Variants in ERBB4 observed in about 807,000 individuals in gnomAD.
ERBB4 encodes erb-b2 receptor tyrosine kinase 4.
In ERBB4, 42 loss-of-function variants were observed where a neutral mutation model predicts 158.0. That is an observed-to-expected ratio of 0.27 (90% CI 0.21 to 0.34). The LOEUF (loss-of-function observed/expected upper bound fraction) is 0.34, where lower values mean the gene tolerates loss of function less well. Among genes scored for constraint, ERBB4 ranks in the 10% least tolerant of loss-of-function variants. The probability of loss-of-function intolerance (pLI) is 1.00; values close to 1 mark genes in which losing one functional copy is unlikely to be tolerated. For synonymous variants in ERBB4, 583 were observed against 558.7 expected (o/e 1.04, Z -0.61); for missense variants, 1,333 against 1,624.1 (o/e 0.82, Z 3.08).
intron 3 of ERBB4, among the ~76,000 whole-genome samples, chr2:211,897,442 A>G (rs1164467402): frequency 6.8e-6 from 1 of 146,320 alleles, no homozygotes; most frequent in Non-Finnish European, 1.5e-5. Context: ...ATAATTTGCA[A>G]AAAAAAAAAA....
At chr2:212,154,242 G>A (rs2080962348) in intron 1 of ERBB4, among the ~76,000 whole-genome samples, 1 of 152,118 alleles carries the variant, frequency 6.6e-6, no homozygotes, top group Non-Finnish European at 1.5e-5. Context: ...AGAGAAGGAA[G>A]AAAATGATTC....
At chr2:211,468,154 C>T (rs549618371) in intron 20 of ERBB4, among the ~76,000 whole-genome samples, 6 of 151,928 alleles carry the variant, frequency 3.9e-5, no homozygotes, top group Admixed American at 2.6e-4. Context: ...TTTGGAGATA[C>T]TAAAGAGAAA....
intron 4 of ERBB4, among the ~76,000 whole-genome samples, chr2:211,782,282 G>A (rs140912027): frequency 1.3e-5 from 2 of 152,192 alleles, no homozygotes; most frequent in African/African-American, 2.4e-5. Flanking sequence ...AGCTGGCACT[G>A]TTCTATGGAA....
At chr2:212,236,581 G>T (rs906287542) in intron 1 of ERBB4, among the ~76,000 whole-genome samples, 2 of 152,160 alleles carry the variant, frequency 1.3e-5, no homozygotes, top group Admixed American at 1.3e-4. Context: ...ATTTAGCTCC[G>T]AATCCATCTG....
At chr2:211,748,328 G>GCATACAGTATGCCAGAAGA (rs1267979725) in intron 5 of ERBB4, among the ~76,000 whole-genome samples, 1 of 152,138 alleles carries the variant, frequency 6.6e-6, no homozygotes, top group East Asian at 1.9e-4. Flanking sequence ...GAGACTTCTG[G>GCATACAGTATGCCAGAAGA]TATAGAAAAG....
intron 1 of ERBB4, among the ~76,000 whole-genome samples, chr2:212,200,563 A>G (rs1325237573): frequency 6.6e-6 from 1 of 152,142 alleles, no homozygotes; most frequent in Non-Finnish European, 1.5e-5. Context: ...TAATAATTGT[A>G]AAAAGCTTGG....
intron 1 of ERBB4, among the ~76,000 whole-genome samples, chr2:212,461,755 C>T (rs1688587491): frequency 6.6e-6 from 1 of 152,162 alleles, no homozygotes; most frequent in South Asian, 2.1e-4. Context: ...CAAATCTCAT[C>T]TTGAATTCCC....
At chr2:211,816,268 C>G (rs942481685) in intron 3 of ERBB4, among the ~76,000 whole-genome samples, 1 of 151,982 alleles carries the variant, frequency 6.6e-6, no homozygotes, top group Non-Finnish European at 1.5e-5. Flanking sequence ...TGGCCAGGCA[C>G]GGTGGCTCAT....
chr2:212,389,654 C>T (rs920202249), intron 1 of ERBB4, among the ~76,000 whole-genome samples: 1 of 151,918 alleles, frequency 6.6e-6, no homozygotes, highest in African/African-American at 2.4e-5. Context: ...TTACAAGTCT[C>T]CACGGAATTT....
intron 25 of ERBB4, among the ~76,000 whole-genome samples, chr2:211,411,546 A>C (rs534113354): frequency 6.6e-6 from 1 of 152,230 alleles, no homozygotes; most frequent in Non-Finnish European, 1.5e-5. Context: ...CCACACCTCT[A>C]AAGTCAAACA....
At position 211,381,509 on chromosome 2, in the gene ERBB4, T is replaced by C. The variant is rs1490586895; in HGVS notation, c.*2106A>G. The C allele has an allele frequency of 4.3e-6, 1 of 231,548 alleles. No individual in the cohort carries two copies. Among genetic ancestry groups the C allele is most frequent in the Non-Finnish European group, 8.5e-6 (1 of 117,110 alleles). The allele number at this position is 231,548 out of a possible 1,614,324, so 14.3% of individuals were successfully genotyped here. On this transcript the variant is annotated 3_prime_UTR_variant, in exon 28 of 28. Coordinates refer to ENST00000342788, the MANE Select transcript of ERBB4 (RefSeq NM_005235.3). ...TGACAGCTATTCACAAAAGAGACTA[T>C]GCAATCTGATTGTTGGAACGCATAG...
At chr2:212,281,764 A>T (rs2085767545) in intron 1 of ERBB4, among the ~76,000 whole-genome samples, 1 of 151,824 alleles carries the variant, frequency 6.6e-6, no homozygotes, top group Non-Finnish European at 1.5e-5. Context: ...ACCAAATAGC[A>T]TCTTTCCATC....
At chr2:211,574,158 G>A (rs909854048) in intron 19 of ERBB4, among the ~76,000 whole-genome samples, 8 of 152,128 alleles carry the variant, frequency 5.3e-5, no homozygotes, top group Non-Finnish European at 1.0e-4. Flanking sequence ...GCAGCTGCAG[G>A]GTGAGTGGTC....
At chr2:212,386,815 A>G (rs2106426755) in intron 1 of ERBB4, among the ~76,000 whole-genome samples, 1 of 152,088 alleles carries the variant, frequency 6.6e-6, no homozygotes, top group African/African-American at 2.4e-5. Context: ...CATAATACTA[A>G]CCATATATTT....
At chr2:211,407,341 G>A (rs2063167706) in intron 25 of ERBB4, among the ~76,000 whole-genome samples, 1 of 152,088 alleles carries the variant, frequency 6.6e-6, no homozygotes, top group South Asian at 2.1e-4. Context: ...CTCTAACTAA[G>A]AAGAGACTGT....
At chr2:212,277,982 C>T (rs932116770) in intron 1 of ERBB4, among the ~76,000 whole-genome samples, 7 of 151,594 alleles carry the variant, frequency 4.6e-5, no homozygotes, top group Admixed American at 1.3e-4. Context: ...TTCTTCACTC[C>T]GGACTTCACT....
intron 19 of ERBB4, among the ~76,000 whole-genome samples, chr2:211,570,001 C>G (rs968696270): frequency 6.6e-5 from 10 of 152,098 alleles, no homozygotes; most frequent in Non-Finnish European, 1.2e-4. Flanking sequence ...TGCTCTTTGG[C>G]TGAAGGTAAA....
chr2:211,723,893 G>A (rs551894698), intron 6 of ERBB4, among the ~76,000 whole-genome samples: 1 of 152,266 alleles, frequency 6.6e-6, no homozygotes, highest in Admixed American at 6.5e-5. Flanking sequence ...AAGCCAAAGT[G>A]GAATCATTAG....
intron 25 of ERBB4, among the ~76,000 whole-genome samples, chr2:211,392,035 T>C (rs1488750739): frequency 1.3e-5 from 2 of 152,166 alleles, no homozygotes; most frequent in African/African-American, 2.4e-5. Flanking sequence ...TAAAATAAAA[T>C]GTCTCTGTAA....
Sources: gnomAD v4.1 joint callset for allele counts (sites outside exome capture counted in the v4.1 genomes callset) on GRCh38, gnomAD v4.1.1 for gene constraint, MANE v1.5 for transcripts, NCBI Gene and HGNC (gene_info 2026-07-23, HGNC 2026-07-21) for gene names.